Variants in CNGB3 observed in about 807,000 individuals in gnomAD.
CNGB3 encodes cyclic nucleotide-gated channel beta-3.
A neutral mutation model predicts 92.8 loss-of-function variants in CNGB3; 86 were observed. The ratio of observed to expected loss-of-function variants is 0.93; its 90% CI spans 0.78 to 1.11. The LOEUF is 1.11. Ranked by LOEUF, CNGB3 falls within the 50% of genes least tolerant of loss-of-function variation. CNGB3 has a pLI of 0.00. For missense variants in CNGB3, 1,026 were observed against 956.8 expected, an observed-to-expected ratio of 1.07 and a Z score of -0.95; for synonymous variants, 333 against 332.7, an observed-to-expected ratio of 1.00 and a Z score of -0.01.
At chr8:86,636,116 C>G (rs949342442) in intron 10 of CNGB3, among the ~76,000 whole-genome samples, 21 of 151,892 alleles carry the variant, frequency 1.4e-4, no homozygotes, top group African/African-American at 3.4e-4. Context: ...TCACATATTC[C>G]TCCACTTATT....
intron 15 of CNGB3, among the ~76,000 whole-genome samples, chr8:86,588,592 T>A (rs1460435904): frequency 2.0e-5 from 3 of 151,526 alleles, no homozygotes; most frequent in Non-Finnish European, 4.4e-5. Context: ...TCTATTGAGA[T>A]AATCATGCGG....
intron 7 of CNGB3, among the ~76,000 whole-genome samples, chr8:86,653,266 A>G (rs1823440468): frequency 6.6e-6 from 1 of 152,144 alleles, no homozygotes; most frequent in Non-Finnish European, 1.5e-5. Context: ...AAAGCAGCAT[A>G]GAGATCTTTT....
Position 86,632,753 on chromosome 8 carries a change from T to A in CNGB3, c.1319A>T (p.Gln440Leu). Reference sequence around the variant, plus strand: ...TCCAGTGATTCATACTCAGCTTACCTGACCAATTAAACTGGAGAACACAAA... The same window carrying A: ...TCCAGTGATTCATACTCAGCTTACCAGACCAATTAAACTGGAGAACACAAA... Reference protein sequence around the residue: ...GVFVFSSLIGQMRDVIGAATA... With the variant: ...GVFVFSSLIGLMRDVIGAATA... Residue 440 changes from glutamine to leucine, a missense_variant and splice_region_variant, in exon 11 of 18, where the codon CAG becomes CTG. Physicochemically the swap from Gln to Leu is moderately radical, Grantham distance 113. Coordinates refer to ENST00000320005, the MANE Select transcript of CNGB3 (RefSeq NM_019098.5). 1 of 1,613,098 alleles carries A rather than the reference T, an allele frequency of 6.2e-7. No individual in the cohort carries two copies. Among genetic ancestry groups the A allele is most frequent in the Non-Finnish European group, 8.5e-7 (1 of 1,179,696 alleles).
chr8:86,629,106 G>C, intron 11 of CNGB3, 28 bp from the exon 12 acceptor site: 1 of 1,613,216 alleles, frequency 6.2e-7, no homozygotes, highest in Non-Finnish European at 8.5e-7. Context: ...GTCACTCCAC[G>C]CCCAGCAGAG....
intron 4 of CNGB3, 48 bp from the exon 5 acceptor site, chr8:86,668,216 A>C: frequency 6.2e-7 from 1 of 1,602,560 alleles, no homozygotes; most frequent in Non-Finnish European, 8.5e-7. Flanking sequence ...AGGTTAAGTT[A>C]GTTTAGTTAA....
rs1252446925 is a variant in CNGB3, at chr8:86,589,084, G to A, written c.1782-9832C>T. Among the ~76,000 whole-genome samples, 3 of 152,116 alleles carry A rather than the reference G, an allele frequency of 2.0e-5. No homozygotes were observed. The East Asian group carries it at 5.8e-4, about 30-fold the overall frequency. The stretch of plus-strand genomic sequence containing the variant: ...AGTCTTGGGAGAGTGTGTGTGTCAA[G>A]GAATTTATCCATTTCTTCTAGATTT... On this transcript the variant is annotated intron_variant, in intron 15 of 17. Coordinates refer to ENST00000320005, the MANE Select transcript of CNGB3 (RefSeq NM_019098.5).
chr8:86,596,162 T>C (rs1177224950), intron 15 of CNGB3, among the ~76,000 whole-genome samples: 4 of 152,218 alleles, frequency 2.6e-5, no homozygotes, highest in Non-Finnish European at 5.9e-5. Context: ...GGAGGAACTA[T>C]TATTTCCAGG....
In CNGB3 at chr8:86,670,255, G is replaced by C. The variant is rs146906546; in HGVS notation, c.493+689C>G. On this transcript the variant is annotated intron_variant, in intron 4 of 17. Coordinates refer to ENST00000320005, the MANE Select transcript of CNGB3 (RefSeq NM_019098.5). Reference sequence around the variant, plus strand: ...GTCCTTTGCTCTCTTGGATACCCAGGTAATATTCCTGTGTTTTTATAATAT... The same window carrying C: ...GTCCTTTGCTCTCTTGGATACCCAGCTAATATTCCTGTGTTTTTATAATAT... Among the ~76,000 whole-genome samples the C allele has an allele frequency of 7.0e-3, 1,063 of 152,254 alleles. 7 individuals carry two copies. The highest frequency in any genetic ancestry group is 0.012 in the Admixed American group (178 of 15,292).
At chr8:86,695,518 C>T (rs1824433229) in intron 3 of CNGB3, among the ~76,000 whole-genome samples, 1 of 152,028 alleles carries the variant, frequency 6.6e-6, no homozygotes, top group South Asian at 2.1e-4. Flanking sequence ...TTGTAATTGT[C>T]TTTTCTTTAC....
chr8:86,695,740 T>G (rs1824437279), intron 3 of CNGB3, among the ~76,000 whole-genome samples: 1 of 152,164 alleles, frequency 6.6e-6, no homozygotes, highest in South Asian at 2.1e-4. Context: ...AGAACCTCAT[T>G]TAATAGTATT....
At position 86,574,983 on chromosome 8, in the gene CNGB3, C is replaced by A. The variant is rs1821632285; in HGVS notation, c.*821G>T. ...AGTTCCAATCTGATATCTTTTCCAG[C>A]AAGTGCTTGAGGAAGATTCTGATAA... On this transcript the variant is annotated 3_prime_UTR_variant, in exon 18 of 18. Coordinates refer to ENST00000320005, the MANE Select transcript of CNGB3 (RefSeq NM_019098.5). 6.6e-6 allele frequency: 1 copy of A among 152,182 alleles called. No homozygotes were observed. The highest frequency in any genetic ancestry group is 2.1e-4 in the South Asian group (1 of 4,830). The allele number at this position is 152,182 out of a possible 1,614,324, so 9.4% of individuals were successfully genotyped here. A position where few individuals can be genotyped will look rare whatever the true frequency, so the allele number is the denominator to read the frequency against.
Position 86,575,921 on chromosome 8 carries a change from T to C in CNGB3, c.2313A>G (p.Arg771=). Residue 771 remains arginine, a synonymous_variant, in exon 18 of 18, where the codon AGA becomes AGG. Coordinates refer to ENST00000320005, the MANE Select transcript of CNGB3 (RefSeq NM_019098.5). The part of the protein sequence containing the change: ...IAVEEEPHSV[R]RTVLPRGTSR... ...AAGTCCCTCTGGGTAAAACTGTCCT[T>C]CTAACTGAGTGGGGTTCTTCCTCCA... 1 of 1,613,938 alleles carries C rather than the reference T, an allele frequency of 6.2e-7. No homozygotes were observed. The highest frequency in any genetic ancestry group is 8.5e-7 in the Non-Finnish European group (1 of 1,179,938).
chr8:86,674,192 G>A (rs1395325975), intron 3 of CNGB3, among the ~76,000 whole-genome samples: 1 of 152,156 alleles, frequency 6.6e-6, no homozygotes, highest in Non-Finnish European at 1.5e-5. Flanking sequence ...AAACTCTCCA[G>A]TGTCCCAAGA....
intron 7 of CNGB3, among the ~76,000 whole-genome samples, chr8:86,653,585 T>C (rs1823446450): frequency 6.6e-6 from 1 of 152,196 alleles, no homozygotes; most frequent in Admixed American, 6.5e-5. Flanking sequence ...GAACGTTCCA[T>C]GTTATCTAAA....
intron 13 of CNGB3, among the ~76,000 whole-genome samples, chr8:86,614,459 C>A (rs2362266): frequency 6.6e-6 from 1 of 151,990 alleles, no homozygotes; most frequent in African/African-American, 2.4e-5. Flanking sequence ...CTCTCTCTCC[C>A]CACTGGTTGA....
At chr8:86,733,841 GAAAA>G (rs1427980816) in intron 2 of CNGB3, among the ~76,000 whole-genome samples, 1 of 152,124 alleles carries the variant, frequency 6.6e-6, no homozygotes, top group East Asian at 1.9e-4. Flanking sequence ...TACCTTTTCT[GAAAA>G]ACTGGACTTT....
intron 6 of CNGB3, 145 bp from the exon 7 acceptor site, chr8:86,654,207 A>G: frequency 1.5e-6 from 1 of 663,528 alleles, no homozygotes; most frequent in South Asian, 1.8e-5. Context: ...TATTAAAACA[A>G]AAAATGTTTG....
intron 12 of CNGB3, 121 bp from the exon 13 acceptor site, chr8:86,626,201 A>C (rs901494626): frequency 1.4e-6 from 1 of 724,474 alleles, no homozygotes; most frequent in East Asian, 2.7e-5. Flanking sequence ...TTTATACATA[A>C]TTAGATGCAT....
chr8:86,576,292 G>A (rs371558676), intron 17 of CNGB3, among the ~76,000 whole-genome samples, 162 bp from the exon 18 acceptor site: 9 of 151,924 alleles, frequency 5.9e-5, no homozygotes, highest in Middle Eastern at 6.8e-3. Context: ...ATCATTTGAT[G>A]AAGTTTCTGG....
Sources: allele counts gnomAD v4.1 joint callset (sites outside exome capture counted in the v4.1 genomes callset), GRCh38; gene constraint gnomAD v4.1.1; transcripts MANE v1.5; gene names NCBI Gene and HGNC (gene_info 2026-07-23, HGNC 2026-07-21).